OSBPL10: variants seen among roughly 807,000 people sequenced by gnomAD.
OSBPL10 encodes oxysterol-binding protein-related protein 10.
Under a neutral mutation model 81.7 loss-of-function variants are expected in OSBPL10, and 49 were observed. The ratio of observed to expected loss-of-function variants is 0.60; its 90% CI spans 0.48 to 0.76. The LOEUF (loss-of-function observed/expected upper bound fraction) is 0.76, where lower values mean the gene tolerates loss of function less well. Among genes scored for constraint, OSBPL10 ranks in the 30% least tolerant of loss-of-function variants. The probability of loss-of-function intolerance (pLI) is 0.00; values close to 1 mark genes in which losing one functional copy is unlikely to be tolerated. For missense variants in OSBPL10, 923 were observed against 987.8 expected (o/e 0.93, Z 0.88); for synonymous variants, 419 against 383.6 (o/e 1.09, Z -1.08).
chr3:31,727,111 G>A (rs1696832793), intron 6 of OSBPL10, among the ~76,000 whole-genome samples: 1 of 152,048 alleles, frequency 6.6e-6, no homozygotes, highest in East Asian at 1.9e-4. Context: ...GGGACTACAG[G>A]TATAAGCCAC....
chr3:31,823,280 G>A (rs988092518), intron 4 of OSBPL10, among the ~76,000 whole-genome samples: 4 of 152,202 alleles, frequency 2.6e-5, no homozygotes, highest in African/African-American at 7.2e-5. Context: ...GCTAGAGAAC[G>A]AGTCCTTAAT....
In OSBPL10 at chr3:31,980,904, C is replaced by A; in HGVS notation, c.276G>T (p.Gln92His). The A allele has an allele frequency of 6.4e-7, 1 of 1,571,058 alleles. No individual in the cohort carries two copies. The highest frequency in any genetic ancestry group is 8.6e-7 in the Non-Finnish European group (1 of 1,162,306). Residue 92 changes from glutamine (Q) to histidine (H), a missense_variant, in exon 1 of 12, where the codon CAG (glutamine) becomes CAT (histidine). By Grantham distance (24) the Gln-to-His change is conservative. Coordinates refer to ENST00000396556, the MANE Select transcript of OSBPL10 (RefSeq NM_017784.5). ...GCGGGCGGCTGGCGCGTTACCTGTT[C>A]TGCCAGCCCTGGAGGAGGTTGGTGT... Reference protein sequence around the residue: ...SKYTNLLQGWQNRYFVLDFEA... With the variant: ...SKYTNLLQGWHNRYFVLDFEA...
intron 1 of OSBPL10, among the ~76,000 whole-genome samples, chr3:31,972,183 G>A (rs1198784597): frequency 1.3e-5 from 2 of 152,220 alleles, no homozygotes; most frequent in Admixed American, 6.5e-5. Flanking sequence ...GAGGTCAGGA[G>A]ATCAAGACCA....
chr3:32,068,240 G>T (rs1276080473), intron 1 of OSBPL10, among the ~76,000 whole-genome samples: 1 of 152,296 alleles, frequency 6.6e-6, no homozygotes, highest in East Asian at 1.9e-4. Context: ...TCTTCCCTTG[G>T]TGTTTAATCA....
intron 10 of OSBPL10, among the ~76,000 whole-genome samples, chr3:31,666,809 TA>T (rs1253263227): frequency 2.2e-4 from 33 of 152,178 alleles, no homozygotes; most frequent in Non-Finnish European, 2.1e-4. Flanking sequence ...TATACCATAA[TA>T]AAAGTTATGT....
chr3:31,878,815 ATGTGTGTG>A (rs59233088), intron 2 of OSBPL10, among the ~76,000 whole-genome samples: 132 of 136,448 alleles, frequency 9.7e-4, no homozygotes, highest in African/African-American at 1.9e-3. Context: ...CTGCGTGTCC[ATGTGTGTG>A]TGTGTGTGTG....
intron 2 of OSBPL10, among the ~76,000 whole-genome samples, chr3:32,010,751 C>T (rs1016062821): frequency 6.6e-6 from 1 of 152,174 alleles, no homozygotes; most frequent in African/African-American, 2.4e-5. Flanking sequence ...CCTAATACTG[C>T]GATTTTCCGA....
chr3:31,966,151 TTATGTGTGTGTGTG>T (rs916359395), intron 1 of OSBPL10, among the ~76,000 whole-genome samples: 1 of 104,462 alleles, frequency 9.6e-6, no homozygotes, highest in Non-Finnish European at 1.8e-5. Context: ...AACAACAAAA[TTATGTGTGTGTGTG>T]TGTGTGTGTG....
chr3:31,847,354 C>A (rs142192670), intron 3 of OSBPL10, among the ~76,000 whole-genome samples: 21 of 152,218 alleles, frequency 1.4e-4, no homozygotes, highest in African/African-American at 4.8e-4. Context: ...GCCCACCACA[C>A]CTGGCTGATT....
At chr3:31,869,601 A>G (rs1030943189) in intron 3 of OSBPL10, among the ~76,000 whole-genome samples, 2 of 152,192 alleles carry the variant, frequency 1.3e-5, no homozygotes, top group African/African-American at 4.8e-5. Context: ...ATATATGAAA[A>G]TATGGGGCTC....
intron 4 of OSBPL10, among the ~76,000 whole-genome samples, chr3:31,829,212 AC>A (rs1700173008): frequency 6.6e-6 from 1 of 152,148 alleles, no homozygotes; most frequent in South Asian, 2.1e-4. Flanking sequence ...ACTGGTCTGT[AC>A]CCAAGTAAGC....
At chr3:31,663,036 GGCTTCCTGC>G (rs1700105770) in intron 11 of OSBPL10, 11 of 985,396 alleles carry the variant, frequency 1.1e-5, no homozygotes, top group Non-Finnish European at 1.3e-5. Context: ...GAACAGTGGT[GGCTTCCTGC>G]TCTTCCTGCT....
chr3:31,944,669 T>C (rs938375000), intron 1 of OSBPL10, among the ~76,000 whole-genome samples: 3 of 150,988 alleles, frequency 2.0e-5, no homozygotes, highest in African/African-American at 7.4e-5. Context: ...AATACAGTGC[T>C]GTGGCACTGA....
rs77053104 is a variant in OSBPL10 at position 32,061,870 on chromosome 3, C to T, written n.186-15267G>A. Among the ~76,000 whole-genome samples the T allele has an allele frequency of 1.9e-4, 18 of 92,944 alleles. 5 individuals carry two copies. In the East Asian group the frequency reaches 4.5e-3, roughly 23 times the overall value. 61.0% of individuals were successfully genotyped at this position (92,944 alleles called of 152,430 possible). A position where few individuals can be genotyped will look rare whatever the true frequency, so the allele number is the denominator to read the frequency against. On this transcript the variant is annotated intron_variant and non_coding_transcript_variant, in intron 1 of 3. Transcript: ENST00000479173. Reference sequence around the variant, plus strand: ...AGCAGGCTGGCCTCAAACTCTTGAGCTCGAGGAATCCTCCTGCCTCAGTCT... The same window carrying T: ...AGCAGGCTGGCCTCAAACTCTTGAGTTCGAGGAATCCTCCTGCCTCAGTCT...
rs761427514 is a variant in OSBPL10 at position 31,683,898 on chromosome 3, G to T, written c.1462C>A (p.His488Asn). ...TCCTTGGGAACTTCCCAGGAGCAGT[G>T]AAATGTCTCGCCTATGATGGGGTTG... Reference protein sequence around the residue: ...PYNPIIGETFHCSWEVPKDRV... With the variant: ...PYNPIIGETFNCSWEVPKDRV... Residue 488 changes from histidine (H) to asparagine (N), a missense_variant, in exon 8 of 12, where the codon CAC (histidine) becomes AAC (asparagine). His to Asn is a moderately conservative substitution (Grantham distance 68). Coordinates refer to ENST00000396556, the MANE Select transcript of OSBPL10 (RefSeq NM_017784.5). 6.2e-7 allele frequency: 1 copy of T among 1,614,260 alleles called. No homozygotes were observed. Among genetic ancestry groups the T allele is most frequent in the East Asian group, 2.2e-5 (1 of 44,872 alleles).
At chr3:31,769,867 T>A (rs1342546751) in intron 4 of OSBPL10, among the ~76,000 whole-genome samples, 3 of 147,004 alleles carry the variant, frequency 2.0e-5, no homozygotes, top group African/African-American at 7.6e-5. Flanking sequence ...ATTGTAGGTA[T>A]TTTTAAATGG....
intron 1 of OSBPL10, among the ~76,000 whole-genome samples, chr3:32,050,282 A>T (rs1030203074): frequency 2.0e-5 from 3 of 152,246 alleles, no homozygotes; most frequent in Non-Finnish European, 4.4e-5. Flanking sequence ...GAGACTGCCC[A>T]GTGCTGTAGC....
intron 2 of OSBPL10, among the ~76,000 whole-genome samples, chr3:32,034,336 G>C (rs1288628403): frequency 6.6e-6 from 1 of 151,834 alleles, no homozygotes; most frequent in Non-Finnish European, 1.5e-5. Flanking sequence ...AGCTGAGAGG[G>C]AGTCTGAGAT....
At chr3:31,875,555 TAAAA>T (rs60853105) in intron 3 of OSBPL10, among the ~76,000 whole-genome samples, 176 of 143,620 alleles carry the variant, frequency 1.2e-3, no homozygotes, top group East Asian at 4.1e-3. Context: ...GATGTTTCTT[TAAAA>T]AAAAAAAAAA....
Sources: gnomAD v4.1 joint callset for allele counts (sites outside exome capture counted in the v4.1 genomes callset) on GRCh38, gnomAD v4.1.1 for gene constraint, MANE v1.5 for transcripts, NCBI Gene and HGNC (gene_info 2026-07-23, HGNC 2026-07-21) for gene names.